The following UGT2B4 variants were observed in gnomAD, a reference collection of about 807,000 sequenced individuals.
UGT2B4 encodes the protein UDP glucuronosyltransferase family 2 member B4, also known as UDP-glucuronosyltransferase 2B4.
UGT2B4 carries 49 observed loss-of-function variants against 49.8 expected under a neutral mutation model. The ratio of observed to expected loss-of-function variants is 0.98; its 90% CI spans 0.78 to 1.25. UGT2B4 has a LOEUF of 1.25. UGT2B4 is among the 50% of genes most tolerant of loss of function. The pLI is 0.00. For synonymous variants in UGT2B4, 246 were observed against 217.7 expected (o/e 1.13, Z -1.14); for missense variants, 729 against 627.7 (o/e 1.16, Z -1.73).
At chr4:69,517,637 G>C (rs1234685732) in intron 1 of UGT2B4, 1 of 152,382 alleles carries the variant, frequency 6.6e-6, no homozygotes, top group Non-Finnish European at 1.5e-5. Context: ...ATTCTATTTT[G>C]TGATACTTAC....
In UGT2B4 at chr4:69,480,384, G is replaced by C. The variant is rs1031022131; in HGVS notation, c.*250C>G. ...ATTGGAACAATAAATTTCAATATAA[G>C]CTCAATACATTTCAATATAACCTCA... On this transcript the variant is annotated 3_prime_UTR_variant, in exon 6 of 6. Transcript: ENST00000305107. The C allele has an allele frequency of 6.9e-6, 3 of 435,370 alleles. No homozygotes were observed. In the Admixed American group the frequency reaches 1.2e-4, roughly 17 times the overall value. The allele number at this position is 435,370 out of a possible 1,614,324, so 27.0% of individuals were successfully genotyped here. A position where few individuals can be genotyped will look rare whatever the true frequency, so the allele number is the denominator to read the frequency against.
intron 2 of UGT2B4, 135 bp downstream of exon 2, chr4:69,493,558 G>T: frequency 9.8e-7 from 1 of 1,022,602 alleles, no homozygotes; most frequent in Non-Finnish European, 1.3e-6. Flanking sequence ...CAACATGTAC[G>T]TCAGTTTCTA....
chr4:69,515,475 G>A (rs1330478698), intron 1 of UGT2B4, among the ~76,000 whole-genome samples: 7 of 152,058 alleles, frequency 4.6e-5, no homozygotes, highest in Admixed American at 3.9e-4. Flanking sequence ...AGAACAAAGG[G>A]ACAATGCACC....
At chr4:69,486,440 G>A in intron 4 of UGT2B4, 169 bp downstream of exon 4, 1 of 270,780 alleles carries the variant, frequency 3.7e-6, no homozygotes, top group Non-Finnish European at 6.5e-6. Context: ...ATCATAAAAT[G>A]CCAACAATTT....
chr4:69,525,740 T>A (rs758992959), exon 1 of UGT2B4: 1 of 1,266,502 alleles, frequency 7.9e-7, no homozygotes, highest in Non-Finnish European at 1.0e-6. Context: ...TATGATGTAG[T>A]CCCTGTGCTC....
chr4:69,500,655 A>AAGAAAGAAAGAAAGAAAGAAAGAG (rs1728292776), upstream of UGT2B4, among the ~76,000 whole-genome samples: 1 of 123,104 alleles, frequency 8.1e-6, no homozygotes, highest in African/African-American at 2.6e-5. Flanking sequence ...GAAAGAAAGA[A>AAGAAAGAAAGAAAGAAAGAAAGAG]AGAAAGAAAG....
At chr4:69,509,172 T>TA (rs1728546665) in intron 1 of UGT2B4, among the ~76,000 whole-genome samples, 1 of 143,550 alleles carries the variant, frequency 7.0e-6, no homozygotes. Context: ...GAATTTCTAT[T>TA]TTTTTTTTTT....
intron 5 of UGT2B4, among the ~76,000 whole-genome samples, chr4:69,483,191 T>A (rs1324598965): frequency 6.6e-6 from 1 of 152,176 alleles, no homozygotes; most frequent in Non-Finnish European, 1.5e-5. Context: ...TTTTTAGTTA[T>A]CATTTTTATA....
chr4:69,495,152 C>G lies in UGT2B4; in HGVS notation c.710G>C (p.Ser237Thr), dbSNP rs375673326. 3.9e-6 allele frequency: 6 copies of G among 1,558,350 alleles called. No individual in the cohort carries two copies. The African/African-American group carries it at 8.3e-5, about 21-fold the overall frequency. The change falls in exon 1 of 6, where the codon AGT becomes ACT. Residue 237 changes from serine to threonine, a missense_variant. Physicochemically the swap from Ser to Thr is moderately conservative, Grantham distance 58. Coordinates refer to ENST00000305107, the MANE Select transcript of UGT2B4 (RefSeq NM_021139.3). ...AAAAAGTTACTTACCTAGAACTTCA[C>G]TGTAGAACTGATCCCACTTCTTCAT... ...FDMKKWDQFY[S>T]EVLGRPTTLS...
intron 2 of UGT2B4, among the ~76,000 whole-genome samples, chr4:69,491,915 T>C (rs1727998322): frequency 6.6e-6 from 1 of 152,090 alleles, no homozygotes; most frequent in Non-Finnish European, 1.5e-5. Flanking sequence ...AAATATCAGT[T>C]TCATGTTGCT....
intron 2 of UGT2B4, among the ~76,000 whole-genome samples, chr4:69,491,291 C>T (rs1381743874): frequency 6.6e-6 from 1 of 151,630 alleles, no homozygotes; most frequent in Non-Finnish European, 1.5e-5. Flanking sequence ...TATTGTAATG[C>T]TATAGTATGC....
chr4:69,509,028 CTA>C (rs941289222), intron 1 of UGT2B4, among the ~76,000 whole-genome samples: 6 of 152,226 alleles, frequency 3.9e-5, no homozygotes, highest in Admixed American at 1.3e-4. Context: ...CTCTCTGATT[CTA>C]TGAGTTTGAC....
intron 5 of UGT2B4, among the ~76,000 whole-genome samples, chr4:69,484,540 C>T (rs1200777963): frequency 3.3e-5 from 5 of 151,994 alleles, no homozygotes; most frequent in Admixed American, 6.6e-5. Context: ...ATTTACACAT[C>T]ATAAATTATA....
chr4:69,483,281 G>C (rs1198115126), intron 5 of UGT2B4, among the ~76,000 whole-genome samples: 1 of 151,874 alleles, frequency 6.6e-6, no homozygotes, highest in Non-Finnish European at 1.5e-5. Context: ...CTTGATTTAT[G>C]ACCCTCCCCA....
At chr4:69,483,438 G>A (rs1039008) in intron 5 of UGT2B4, among the ~76,000 whole-genome samples, 96,730 of 151,666 alleles carry the variant, frequency 0.64, 31,414 homozygotes, top group Admixed American at 0.73. Context: ...GTGTTCTTCA[G>A]TTGTTTTATG....
intron 2 of UGT2B4, 47 bp from the exon 3 acceptor site, chr4:69,489,617 G>C: frequency 3.2e-6 from 5 of 1,563,430 alleles, no homozygotes; most frequent in Non-Finnish European, 4.3e-6. Flanking sequence ...TATCAGCACA[G>C]CAAGCACTGT....
exon 1 of UGT2B4, chr4:69,525,737 T>C (rs984537119): frequency 7.9e-7 from 1 of 1,270,116 alleles, no homozygotes; most frequent in African/African-American, 1.5e-5. Context: ...CATTATGATG[T>C]AGTCCCTGTG....
At position 69,511,667 on chromosome 4, in the gene UGT2B4, T is replaced by A. The variant is rs115625791; in HGVS notation, c.-106+14020A>T. 4.3e-3 allele frequency among the ~76,000 whole-genome samples: 652 copies of A among 152,254 alleles called. 7 individuals are homozygous for A. The highest frequency in any genetic ancestry group is 0.013 in the African/African-American group (561 of 41,570). On this transcript the variant is annotated intron_variant, in intron 1 of 1. Coordinates refer to the UGT2B4 transcript ENST00000510114. ...CGTGTTTGTCTGGGTTTGTTATCAGTATAATGCTGCTCTCATAAAATGAGT... is the reference window on the plus strand; with the variant it reads ...CGTGTTTGTCTGGGTTTGTTATCAGAATAATGCTGCTCTCATAAAATGAGT...
At chr4:69,485,179 C>A in intron 5 of UGT2B4, 29 bp downstream of exon 5, 1 of 1,611,742 alleles carries the variant, frequency 6.2e-7, no homozygotes, top group Non-Finnish European at 8.5e-7. Context: ...TCTATAAAGA[C>A]CACCGAGTAA....
Sources: gnomAD v4.1 joint callset for allele counts (sites outside exome capture counted in the v4.1 genomes callset) on GRCh38, gnomAD v4.1.1 for gene constraint, MANE v1.5 for transcripts, NCBI Gene and HGNC (gene_info 2026-07-23, HGNC 2026-07-21) for gene names.